ARHGAP23: variants seen among roughly 807,000 people sequenced by gnomAD.
ARHGAP23 encodes Rho GTPase activating protein 23.
In ARHGAP23, 34 loss-of-function variants were observed where a neutral mutation model predicts 136.3. That is an observed-to-expected ratio of 0.25 (90% CI 0.19 to 0.33). The LOEUF is 0.33. Among genes scored for constraint, ARHGAP23 ranks in the 10% least tolerant of loss-of-function variants. The pLI, the probability that ARHGAP23 is intolerant of heterozygous loss-of-function variation, is 1.00. For missense variants in ARHGAP23, 1,808 were observed against 2,139.0 expected (o/e 0.85, Z 3.05); for synonymous variants, 832 against 920.5 (o/e 0.90, Z 1.74).
At chr17:38,487,843 G>A (rs1480050014) in intron 17 of ARHGAP23, among the ~76,000 whole-genome samples, 1 of 151,940 alleles carries the variant, frequency 6.6e-6, no homozygotes, top group Non-Finnish European at 1.5e-5. Context: ...CAGCCTGGGT[G>A]ACAGAGCAAG....
chr17:38,501,271 A>G (rs1221332978), intron 23 of ARHGAP23: 1 of 151,884 alleles, frequency 6.6e-6, no homozygotes, highest in African/African-American at 2.4e-5. Flanking sequence ...GAGGGACATC[A>G]CTACAGACCC....
At chr17:38,473,371 G>C (rs111898546) in intron 11 of ARHGAP23, among the ~76,000 whole-genome samples, 1 of 152,120 alleles carries the variant, frequency 6.6e-6, no homozygotes, top group Non-Finnish European at 1.5e-5. Flanking sequence ...TATCAAGCAC[G>C]TGGCTTTGGG....
In ARHGAP23 at chr17:38,458,637, CT is replaced by C. The variant is rs199732554; in HGVS notation, c.225+375del. ...AGTTGTCTGGGAGTTCCTGGGACCCCTGATCTACCGGCTGCTTCTGAGCTGG... is the reference window on the plus strand; with the variant it reads ...AGTTGTCTGGGAGTTCCTGGGACCCCGATCTACCGGCTGCTTCTGAGCTGG... On this transcript the variant is annotated intron_variant, in intron 2 of 23. Coordinates refer to ENST00000622683, the MANE Select transcript of ARHGAP23 (RefSeq NM_001199417.2). 1.4e-3 allele frequency among the ~76,000 whole-genome samples: 214 copies of C among 152,298 alleles called. 3 individuals are homozygous for C. Among genetic ancestry groups the C allele is most frequent in the East Asian group, 0.014 (70 of 5,168 alleles).
intron 1 of ARHGAP23, among the ~76,000 whole-genome samples, chr17:38,432,413 C>A (rs531515480): frequency 1.2e-4 from 18 of 152,264 alleles, no homozygotes; most frequent in African/African-American, 3.6e-4. Context: ...GGAGCAGTGG[C>A]TGACACCTGT....
chr17:38,501,816 A>G (rs956519161), intron 23 of ARHGAP23, among the ~76,000 whole-genome samples: 16 of 151,930 alleles, frequency 1.1e-4, no homozygotes, highest in African/African-American at 3.4e-4. Context: ...TTTCACTGTT[A>G]AATTCTACCA....
intron 23 of ARHGAP23, among the ~76,000 whole-genome samples, chr17:38,502,401 A>G (rs2040541723): frequency 1.3e-5 from 2 of 152,268 alleles, no homozygotes; most frequent in Admixed American, 1.3e-4. Flanking sequence ...AATGCTTTTG[A>G]AAAAGATAGG....
intron 1 of ARHGAP23, among the ~76,000 whole-genome samples, chr17:38,432,450 C>T (rs907665876): frequency 6.6e-6 from 1 of 152,016 alleles, no homozygotes; most frequent in Non-Finnish European, 1.5e-5. Flanking sequence ...GAGGCCAAGG[C>T]GGGTGGATCA....
intron 16 of ARHGAP23, among the ~76,000 whole-genome samples, chr17:38,484,879 T>G (rs868729321): frequency 5.7e-4 from 87 of 152,208 alleles, no homozygotes; most frequent in Admixed American, 2.2e-3. Flanking sequence ...GGGAGTGTAT[T>G]GTTTATGGGA....
chr17:38,452,794 G>A (rs2039207534), intron 1 of ARHGAP23, among the ~76,000 whole-genome samples: 1 of 151,330 alleles, frequency 6.6e-6, no homozygotes, highest in South Asian at 2.1e-4. Context: ...CCAGGAAGGC[G>A]AGCAGGGCAG....
intron 18 of ARHGAP23, 119 bp downstream of exon 18, chr17:38,490,294 C>G: frequency 8.6e-7 from 1 of 1,165,862 alleles, no homozygotes; most frequent in Non-Finnish European, 1.3e-6. Context: ...AAGCCCCGCT[C>G]CACTCAGGGC....
At chr17:38,474,855 G>C (rs1401619081) in intron 11 of ARHGAP23, among the ~76,000 whole-genome samples, 1 of 152,198 alleles carries the variant, frequency 6.6e-6, no homozygotes, top group East Asian at 1.9e-4. Flanking sequence ...CCAGCCATGT[G>C]CACTGTGCGA....
At position 38,501,310 on chromosome 17, in the gene ARHGAP23, TA is replaced by T. The variant is rs554564273; in HGVS notation, c.3447+683del. ...AGTTATTTTTTATTTTTTATTTATTTATTTTTTTTGAGACGGAGTCTTGCTC... is the reference window on the plus strand; with the variant it reads ...AGTTATTTTTTATTTTTTATTTATTTTTTTTTTTGAGACGGAGTCTTGCTC... On this transcript the variant is annotated intron_variant, in intron 23 of 23. Coordinates refer to ENST00000622683, the MANE Select transcript of ARHGAP23 (RefSeq NM_001199417.2). 3.4e-3 allele frequency among the ~76,000 whole-genome samples: 516 copies of T among 152,204 alleles called. 4 individuals are homozygous for T. The highest frequency in any genetic ancestry group is 5.5e-3 in the Non-Finnish European group (374 of 68,000).
intron 1 of ARHGAP23, among the ~76,000 whole-genome samples, chr17:38,445,041 C>T (rs2039001062): frequency 6.6e-6 from 1 of 152,102 alleles, no homozygotes; most frequent in South Asian, 2.1e-4. Context: ...TGGTCTCAAA[C>T]TCCTGACCTC....
chr17:38,500,520 G>C, intron 22 of ARHGAP23, 77 bp from the exon 23 acceptor site: 1 of 1,316,614 alleles, frequency 7.6e-7, no homozygotes. Flanking sequence ...TTTGAGGAGA[G>C]GGAATTGTGT....
At chr17:38,480,201 GT>G (rs961689614) in intron 14 of ARHGAP23, among the ~76,000 whole-genome samples, 2 of 152,136 alleles carry the variant, frequency 1.3e-5, no homozygotes, top group African/African-American at 4.8e-5. Flanking sequence ...ACCTTTGGCT[GT>G]TAGAAAGTTC....
chr17:38,427,337 G>A (rs535565048), upstream of ARHGAP23, among the ~76,000 whole-genome samples: 7 of 152,248 alleles, frequency 4.6e-5, no homozygotes, highest in South Asian at 1.0e-3. Flanking sequence ...TGTGGCATGG[G>A]CCTGTAGTCC....
Position 38,510,594 on chromosome 17 carries a change from C to T in ARHGAP23, c.4098C>T (p.Pro1366=). The T allele has an allele frequency of 7.8e-7, 1 of 1,283,432 alleles. No individual in the cohort carries two copies. The allele number at this position is 1,283,432 out of a possible 1,614,324, so 79.5% of individuals were successfully genotyped here. The change falls in exon 24 of 24, where the codon CCC becomes CCT. Residue 1366 remains proline (P), a synonymous_variant. Coordinates refer to ENST00000622683, the MANE Select transcript of ARHGAP23 (RefSeq NM_001199417.2). The surrounding 1 kb of genome is among the most constrained non-coding windows in gnomAD (Gnocchi z 4.6). ...CGGCGGCGGCGCTGGCCTCCCGGCCCTCGCGCATGGAGGCGCTGCGTCTAA... is the reference window on the plus strand; with the variant it reads ...CGGCGGCGGCGCTGGCCTCCCGGCCTTCGCGCATGGAGGCGCTGCGTCTAA... ...RPPAAALASR[P]SRMEALRLRL...
At chr17:38,421,369 A>G (rs147852585) in intron 1 of ARHGAP23, among the ~76,000 whole-genome samples, 1 of 152,234 alleles carries the variant, frequency 6.6e-6, no homozygotes, top group Non-Finnish European at 1.5e-5. Context: ...CCCCACAGAC[A>G]TGGACTCTGA....
chr17:38,454,506 A>G (rs2039278056), intron 1 of ARHGAP23, among the ~76,000 whole-genome samples: 3 of 152,162 alleles, frequency 2.0e-5, no homozygotes, highest in Admixed American at 6.5e-5. Flanking sequence ...GTTCCGAGGC[A>G]GGCAGAGGCA....
Sources: allele counts gnomAD v4.1 joint callset (sites outside exome capture counted in the v4.1 genomes callset), GRCh38; gene constraint gnomAD v4.1.1; non-coding constraint Gnocchi (gnomAD v3.1); transcripts MANE v1.5; gene names NCBI Gene and HGNC (gene_info 2026-07-23, HGNC 2026-07-21).